Variants in ARPP21 observed in about 807,000 individuals in gnomAD.
ARPP21 encodes cAMP regulated phosphoprotein 21.
A neutral mutation model predicts 113.2 loss-of-function variants in ARPP21; 69 were observed. The ratio of observed to expected loss-of-function variants is 0.61; its 90% CI spans 0.50 to 0.74. The LOEUF (loss-of-function observed/expected upper bound fraction) is 0.74. Among genes scored for constraint, ARPP21 ranks in the 30% least tolerant of loss-of-function variants. ARPP21 has a pLI of 0.00. For synonymous variants in ARPP21, 368 were observed against 375.5 expected (o/e 0.98, Z 0.23); for missense variants, 1,070 against 1,037.4 (o/e 1.03, Z -0.43).
intron 1 of ARPP21, among the ~76,000 whole-genome samples, chr3:35,653,771 T>C (rs1237602406): frequency 6.6e-6 from 1 of 152,076 alleles, no homozygotes; most frequent in African/African-American, 2.4e-5. Flanking sequence ...TCTCTACATG[T>C]ACTGACTATC....
At chr3:35,772,322 C>G (rs6782071) in intron 19 of ARPP21, among the ~76,000 whole-genome samples, 34,939 of 152,028 alleles carry the variant, frequency 0.23, 4,222 homozygotes, top group Non-Finnish European at 0.27. Context: ...TAAAACAGTT[C>G]TGTTTGAATT....
chr3:35,678,393 T>C (rs1392535729), intron 1 of ARPP21, among the ~76,000 whole-genome samples: 1 of 151,958 alleles, frequency 6.6e-6, no homozygotes, highest in Non-Finnish European at 1.5e-5. Flanking sequence ...GCTTCTTAGT[T>C]AAATAGTTTC....
Position 35,766,828 on chromosome 3 carries a change from CAT to C in ARPP21, c.2137+22866_2137+22867del, listed in dbSNP as rs917616876. ...ATACAATTAAGAAGCTCATATTATA[CAT>C]ATGTGTGTGTGTGTGTGTGTGTACA... On this transcript the variant is annotated intron_variant, in intron 19 of 20. Coordinates refer to ENST00000684406, the MANE Select transcript of ARPP21 (RefSeq NM_001385562.1). Among the ~76,000 whole-genome samples, 13 of 147,878 alleles carry C rather than the reference CAT, an allele frequency of 8.8e-5. No individual in the cohort carries two copies. The South Asian group carries it at 1.3e-3, about 15-fold the overall frequency.
At chr3:35,722,371 T>C (rs1164150293) in intron 14 of ARPP21, among the ~76,000 whole-genome samples, 1 of 152,222 alleles carries the variant, frequency 6.6e-6, no homozygotes, top group African/African-American at 2.4e-5. Context: ...TTAACCATTC[T>C]GTGCCTCTGT....
chr3:35,723,292 T>C (rs2093272740), intron 14 of ARPP21, among the ~76,000 whole-genome samples: 1 of 152,224 alleles, frequency 6.6e-6, no homozygotes, highest in Non-Finnish European at 1.5e-5. Flanking sequence ...TTTAACATAA[T>C]TAGGTTGTTG....
chr3:35,655,386 C>T (rs933415487), intron 1 of ARPP21, among the ~76,000 whole-genome samples: 10 of 151,578 alleles, frequency 6.6e-5, no homozygotes, highest in African/African-American at 1.7e-4. Flanking sequence ...TTTTTCATTG[C>T]TAATAAACAA....
chr3:35,785,980 A>C lies in ARPP21; in HGVS notation c.2138-6402A>C, dbSNP rs17033767. Among the ~76,000 whole-genome samples the C allele has an allele frequency of 8.4e-3, 1,282 of 152,306 alleles. 18 individuals carry two copies. Among genetic ancestry groups the C allele is most frequent in the African/African-American group, 0.029 (1,214 of 41,562 alleles). On this transcript the variant is annotated intron_variant, in intron 19 of 20. Coordinates refer to ENST00000684406, the MANE Select transcript of ARPP21 (RefSeq NM_001385562.1). ...TGGATACAGCAACTGCCAATAAATAAGTTAAAAAAAGACATTTACGTCAAA... is the reference window on the plus strand; with the variant it reads ...TGGATACAGCAACTGCCAATAAATACGTTAAAAAAAGACATTTACGTCAAA...
chr3:35,777,694 T>C (rs569494894), intron 19 of ARPP21, among the ~76,000 whole-genome samples: 1 of 152,304 alleles, frequency 6.6e-6, no homozygotes, highest in East Asian at 1.9e-4. Flanking sequence ...TTTTTTCTTT[T>C]TCATTTCCCT....
chr3:35,736,912 A>G (rs1418705113), intron 15 of ARPP21, among the ~76,000 whole-genome samples: 1 of 152,180 alleles, frequency 6.6e-6, no homozygotes. Flanking sequence ...CTCCGTCCAC[A>G]GATACATTTA....
At chr3:35,715,837 G>C (rs192768578) in intron 12 of ARPP21, 1 of 166,238 alleles carries the variant, frequency 6.0e-6, no homozygotes, top group African/African-American at 2.4e-5. Context: ...TAGTCTGCTA[G>C]AGGCATGCAT....
At chr3:35,734,709 G>A (rs1376146143) in intron 15 of ARPP21, among the ~76,000 whole-genome samples, 2 of 152,204 alleles carry the variant, frequency 1.3e-5, no homozygotes, top group East Asian at 1.9e-4. Flanking sequence ...CTGAAGTTAA[G>A]GCTTTTGCTC....
chr3:35,675,566 C>A (rs1030060346), intron 1 of ARPP21, among the ~76,000 whole-genome samples: 1 of 151,824 alleles, frequency 6.6e-6, no homozygotes, highest in Non-Finnish European at 1.5e-5. Flanking sequence ...TGTTCCAGGA[C>A]CATATCCAGG....
At chr3:35,732,591 G>T (rs1172497671) in intron 15 of ARPP21, among the ~76,000 whole-genome samples, 1 of 152,198 alleles carries the variant, frequency 6.6e-6, no homozygotes, top group Non-Finnish European at 1.5e-5. Context: ...AGAAAGCTCA[G>T]CTTTGTTGGG....
At chr3:35,748,092 A>AAGAG (rs529413992) in intron 19 of ARPP21, among the ~76,000 whole-genome samples, 1 of 133,444 alleles carries the variant, frequency 7.5e-6, no homozygotes, top group Non-Finnish European at 1.6e-5. Flanking sequence ...GAAAGAAAGA[A>AAGAG]AGAAAGAAAG....
intron 13 of ARPP21, among the ~76,000 whole-genome samples, chr3:35,720,863 T>A (rs2092990916): frequency 6.6e-6 from 1 of 152,234 alleles, no homozygotes. Context: ...TTCTTTCACC[T>A]GAGGAGCTTT....
At chr3:35,786,436 G>A (rs1398935342) in intron 19 of ARPP21, among the ~76,000 whole-genome samples, 1 of 151,420 alleles carries the variant, frequency 6.6e-6, no homozygotes, top group East Asian at 2.0e-4. Context: ...GCAGGAGGAG[G>A]AGAATCATTT....
chr3:35,739,268 T>C, intron 17 of ARPP21, 49 bp from the exon 18 acceptor site: 2 of 1,589,564 alleles, frequency 1.3e-6, no homozygotes, highest in Non-Finnish European at 1.7e-6. Flanking sequence ...GCCTCTCTTA[T>C]TACCAAGCTG....
intron 19 of ARPP21, among the ~76,000 whole-genome samples, chr3:35,788,501 C>T (rs1487118023): frequency 6.6e-6 from 1 of 152,148 alleles, no homozygotes; most frequent in Non-Finnish European, 1.5e-5. Context: ...AATTGGCCAG[C>T]TTCTGAAGAA....
chr3:35,698,319 C>T (rs976842346), intron 9 of ARPP21, among the ~76,000 whole-genome samples: 1 of 151,284 alleles, frequency 6.6e-6, no homozygotes, highest in African/African-American at 2.4e-5. Flanking sequence ...TAAGAAGGAA[C>T]ATAAGTTTGT....
Sources: gnomAD v4.1 joint callset for allele counts (sites outside exome capture counted in the v4.1 genomes callset) on GRCh38, gnomAD v4.1.1 for gene constraint, MANE v1.5 for transcripts, NCBI Gene and HGNC (gene_info 2026-07-23, HGNC 2026-07-21) for gene names.